The following GRIN2A variants were observed in gnomAD, a reference collection of about 807,000 sequenced individuals.
GRIN2A encodes glutamate ionotropic receptor NMDA type subunit 2A.
A neutral mutation model predicts 113.4 loss-of-function variants in GRIN2A; 22 were observed. The ratio of observed to expected loss-of-function variants is 0.19; its 90% CI spans 0.14 to 0.28. GRIN2A has a LOEUF of 0.28. Ranked by LOEUF, GRIN2A falls within the 10% of genes least tolerant of loss-of-function variation. The probability of loss-of-function intolerance (pLI) is 1.00; values close to 1 mark genes in which losing one functional copy is unlikely to be tolerated. For synonymous variants in GRIN2A, 827 were observed against 738.4 expected (o/e 1.12, Z -1.94); for missense variants, 1,502 against 1,887.0 (o/e 0.80, Z 3.78).
intron 2 of GRIN2A, among the ~76,000 whole-genome samples, chr16:10,043,025 C>A (rs1455971634): frequency 6.6e-6 from 1 of 152,168 alleles, no homozygotes; most frequent in Admixed American, 6.5e-5. Context: ...GTTTATACAT[C>A]GTATAATCTA....
At chr16:9,853,014 T>C (rs78511119) in intron 4 of GRIN2A, among the ~76,000 whole-genome samples, 6,188 of 152,138 alleles carry the variant, frequency 0.041, 174 homozygotes, top group African/African-American at 0.076. Flanking sequence ...TTCATACAAA[T>C]TGGGAGGAAG....
intron 2 of GRIN2A, among the ~76,000 whole-genome samples, chr16:10,064,676 T>C (rs1038030004): frequency 1.3e-5 from 2 of 152,252 alleles, no homozygotes; most frequent in African/African-American, 4.8e-5. Flanking sequence ...CATAGTTCAA[T>C]AGACCCTGCT....
chr16:9,788,251 ACT>A (rs970342656), intron 11 of GRIN2A, among the ~76,000 whole-genome samples: 1 of 141,010 alleles, frequency 7.1e-6, no homozygotes, highest in Admixed American at 7.1e-5. Flanking sequence ...TTACTTTTTG[ACT>A]CTATTTTTTT....
At chr16:10,170,850 C>G (rs904804788) in intron 2 of GRIN2A, among the ~76,000 whole-genome samples, 3 of 150,766 alleles carry the variant, frequency 2.0e-5, no homozygotes, top group Non-Finnish European at 4.4e-5. Context: ...GCACTCCAGC[C>G]TGGGCAACAG....
chr16:9,996,082 G>A (rs1253654246), intron 2 of GRIN2A, among the ~76,000 whole-genome samples: 2 of 134,104 alleles, frequency 1.5e-5, no homozygotes, highest in Admixed American at 7.7e-5. Context: ...GAAGAGAACA[G>A]AAGGAAACAG....
At chr16:10,163,224 T>C (rs547738789) in intron 2 of GRIN2A, among the ~76,000 whole-genome samples, 3 of 152,140 alleles carry the variant, frequency 2.0e-5, no homozygotes, top group African/African-American at 4.8e-5. Context: ...GTGCTTTTCA[T>C]GGGAGAAAGG....
Position 9,769,046 on chromosome 16 carries a change from G to A in GRIN2A, c.2400C>T (p.Cys800=), listed in dbSNP as rs1555483719. The part of the protein sequence containing the change: ...ELETLWLTGI[C]HNEKNEVMSS... ...TCATCACCTCGTTCTTCTCGTTGTG[G>A]CAGATCCCAGTGAGCCACAGGGTCT... Residue 800 remains cysteine (C), a synonymous_variant, in exon 12 of 13, where the codon TGC becomes TGT. Coordinates refer to ENST00000330684, the MANE Select transcript of GRIN2A (RefSeq NM_001134407.3). 1.2e-6 allele frequency: 2 copies of A among 1,614,122 alleles called. No homozygotes were observed. Among genetic ancestry groups the A allele is most frequent in the Non-Finnish European group, 8.5e-7 (1 of 1,179,998 alleles).
intron 2 of GRIN2A, among the ~76,000 whole-genome samples, chr16:9,952,384 G>C (rs978295725): frequency 2.6e-5 from 4 of 152,164 alleles, no homozygotes; most frequent in African/African-American, 9.7e-5. Flanking sequence ...TACAAAGACA[G>C]TGTGCAGAGA....
intron 11 of GRIN2A, among the ~76,000 whole-genome samples, chr16:9,786,484 G>A (rs1489548453): frequency 3.9e-5 from 6 of 152,032 alleles, no homozygotes; most frequent in Non-Finnish European, 7.4e-5. Flanking sequence ...AACTTCTGTC[G>A]CAAAGTGATT....
At chr16:10,099,838 T>A (rs2142105447) in intron 2 of GRIN2A, among the ~76,000 whole-genome samples, 1 of 152,338 alleles carries the variant, frequency 6.6e-6, no homozygotes, top group South Asian at 2.1e-4. Context: ...TACTGAAACG[T>A]CTGCTCATTC....
At chr16:10,165,028 T>C (rs1252364013) in intron 2 of GRIN2A, among the ~76,000 whole-genome samples, 1 of 152,216 alleles carries the variant, frequency 6.6e-6, no homozygotes, top group African/African-American at 2.4e-5. Flanking sequence ...TGGTTCTGTA[T>C]TGATAGTTTT....
intron 2 of GRIN2A, among the ~76,000 whole-genome samples, chr16:10,157,243 G>A (rs1414239356): frequency 2.4e-4 from 37 of 152,106 alleles, no homozygotes; most frequent in Admixed American, 2.4e-3. Context: ...AGAGGGCCAG[G>A]TATAGTGTCA....
chr16:10,158,543 A>C (rs2049749245), intron 2 of GRIN2A, among the ~76,000 whole-genome samples: 1 of 152,248 alleles, frequency 6.6e-6, no homozygotes, highest in Admixed American at 6.5e-5. Flanking sequence ...GGTTGAATAG[A>C]TAAATTAAAT....
At chr16:9,980,049 CAGG>C (rs889458638) in intron 2 of GRIN2A, among the ~76,000 whole-genome samples, 1 of 151,482 alleles carries the variant, frequency 6.6e-6, no homozygotes, top group Non-Finnish European at 1.5e-5. Flanking sequence ...CACTTGATGC[CAGG>C]AGTTCAAGAC....
rs534204047 is a variant in GRIN2A, at chr16:10,025,341, C to A, written c.415-86790G>T. Among the ~76,000 whole-genome samples, 13 of 113,356 alleles carry A rather than the reference C, an allele frequency of 1.1e-4. No homozygotes were observed. In the East Asian group the frequency reaches 4.1e-3, roughly 36 times the overall value. 74.4% of individuals were successfully genotyped at this position (113,356 alleles called of 152,430 possible). A position where few individuals can be genotyped will look rare whatever the true frequency, so the allele number is the denominator to read the frequency against. ...TTTTTGAGATGGGGTCTTGTTTTGT[C>A]ATCCAGGCTGGAGTGCAGTGGTGTA... On this transcript the variant is annotated intron_variant, in intron 2 of 12. Coordinates refer to ENST00000330684, the MANE Select transcript of GRIN2A (RefSeq NM_001134407.3).
At position 9,771,786 on chromosome 16, in the gene GRIN2A, T is replaced by C. The variant is rs560103215; in HGVS notation, c.2357-2697A>G. On this transcript the variant is annotated intron_variant, in intron 11 of 12. Coordinates refer to ENST00000330684, the MANE Select transcript of GRIN2A (RefSeq NM_001134407.3). ...CTGCCATGGTTCCAGGAATTTTCAATGTATGAGTTTTTGTATGGAAAAATT... is the reference window on the plus strand; with the variant it reads ...CTGCCATGGTTCCAGGAATTTTCAACGTATGAGTTTTTGTATGGAAAAATT... 5.9e-5 allele frequency among the ~76,000 whole-genome samples: 9 copies of C among 152,334 alleles called. No individual in the cohort carries two copies. The East Asian group carries it at 1.2e-3, about 20-fold the overall frequency.
intron 2 of GRIN2A, among the ~76,000 whole-genome samples, chr16:10,039,989 C>A: frequency 2.9e-5 from 1 of 34,656 alleles, no homozygotes. Context: ...CTCCACACTG[C>A]ACAAATACAC....
chr16:10,125,607 T>G (rs1215194593), intron 2 of GRIN2A, among the ~76,000 whole-genome samples: 1 of 141,624 alleles, frequency 7.1e-6, no homozygotes, highest in Non-Finnish European at 1.5e-5. Context: ...TAAGGCATCA[T>G]CCTCATACTG....
intron 2 of GRIN2A, among the ~76,000 whole-genome samples, chr16:10,032,800 G>C (rs1268708497): frequency 6.6e-6 from 1 of 152,204 alleles, no homozygotes; most frequent in Non-Finnish European, 1.5e-5. Context: ...TTTCATCATA[G>C]CTTCTGCCTG....
Sources: gnomAD v4.1 joint callset for allele counts (sites outside exome capture counted in the v4.1 genomes callset) on GRCh38, gnomAD v4.1.1 for gene constraint, MANE v1.5 for transcripts, NCBI Gene and HGNC (gene_info 2026-07-23, HGNC 2026-07-21) for gene names.